PDZRN4: variants seen among roughly 807,000 people sequenced by gnomAD.
The protein encoded by PDZRN4 is PDZ domain containing ring finger 4.
A neutral mutation model predicts 99.0 loss-of-function variants in PDZRN4; 70 were observed. The observed-to-expected ratio is 0.71, with a 90% CI of 0.58 to 0.86. The LOEUF (loss-of-function observed/expected upper bound fraction) is 0.86, where lower values mean the gene tolerates loss of function less well. Among genes scored for constraint, PDZRN4 ranks in the 40% least tolerant of loss-of-function variants. PDZRN4 has a pLI of 0.00. For missense variants in PDZRN4, 1,474 were observed against 1,331.2 expected, an observed-to-expected ratio of 1.11 and a Z score of -1.67; for synonymous variants, 551 against 501.6, an observed-to-expected ratio of 1.10 and a Z score of -1.32.
chr12:41,282,273 G>C (rs1951391289), intron 3 of PDZRN4, among the ~76,000 whole-genome samples: 2 of 152,176 alleles, frequency 1.3e-5, no homozygotes, highest in Non-Finnish European at 2.9e-5. Flanking sequence ...AAAAGACAAA[G>C]AAGAGCATTA....
intron 3 of PDZRN4, among the ~76,000 whole-genome samples, chr12:41,324,911 TA>T (rs2120980336): frequency 6.6e-6 from 1 of 152,288 alleles, no homozygotes; most frequent in South Asian, 2.1e-4. Flanking sequence ...TGCTACTTTT[TA>T]AAAAGGTAGA....
At chr12:41,195,197 A>G (rs1950763221) in intron 3 of PDZRN4, among the ~76,000 whole-genome samples, 1 of 152,188 alleles carries the variant, frequency 6.6e-6, no homozygotes, top group Non-Finnish European at 1.5e-5. Flanking sequence ...TGGTTAAGAT[A>G]ATATTACTTT....
chr12:41,402,258 GTA>G (rs1256041427), intron 3 of PDZRN4, among the ~76,000 whole-genome samples: 1 of 20,664 alleles, frequency 4.8e-5, no homozygotes, highest in Non-Finnish European at 8.4e-5. Flanking sequence ...CACACACTGA[GTA>G]TATATATATA....
chr12:41,559,656 G>T (rs1285751865), intron 7 of PDZRN4, among the ~76,000 whole-genome samples: 3 of 152,038 alleles, frequency 2.0e-5, no homozygotes, highest in Non-Finnish European at 4.4e-5. Context: ...GAAACAACAC[G>T]ACTTCTAATG....
chr12:41,260,926 G>A (rs1227499088), intron 3 of PDZRN4, among the ~76,000 whole-genome samples: 1 of 152,066 alleles, frequency 6.6e-6, no homozygotes, highest in Non-Finnish European at 1.5e-5. Context: ...ACCCCCCGTA[G>A]TCAAGATAGT....
chr12:41,267,712 A>T (rs1348209426), intron 3 of PDZRN4, among the ~76,000 whole-genome samples: 1 of 151,562 alleles, frequency 6.6e-6, no homozygotes, highest in Non-Finnish European at 1.5e-5. Context: ...ATGGTGGCGG[A>T]TGCCTGTAAT....
At chr12:41,311,808 G>A (rs374296169) in intron 3 of PDZRN4, among the ~76,000 whole-genome samples, 18 of 152,072 alleles carry the variant, frequency 1.2e-4, no homozygotes, top group Admixed American at 3.9e-4. Flanking sequence ...GATAGGTATC[G>A]TGTGACTTTT....
At chr12:41,554,658 T>G (rs1021911519) in intron 6 of PDZRN4, among the ~76,000 whole-genome samples, 5 of 152,190 alleles carry the variant, frequency 3.3e-5, no homozygotes, top group Non-Finnish European at 4.4e-5. Context: ...CGCAGTGAAC[T>G]GTAAGTCATC....
At chr12:41,518,261 A>G (rs956218060) in intron 5 of PDZRN4, among the ~76,000 whole-genome samples, 3 of 152,106 alleles carry the variant, frequency 2.0e-5, no homozygotes, top group African/African-American at 7.2e-5. Flanking sequence ...GAATATAAAT[A>G]AAAGAGAACC....
intron 3 of PDZRN4, among the ~76,000 whole-genome samples, chr12:41,334,459 T>G (rs548009737): frequency 6.6e-6 from 1 of 151,420 alleles, no homozygotes; most frequent in East Asian, 2.0e-4. Flanking sequence ...TGGCACTGAT[T>G]AGTTTGCTGA....
intron 3 of PDZRN4, among the ~76,000 whole-genome samples, chr12:41,480,973 G>GTT (rs36114607): frequency 6.1e-5 from 9 of 146,748 alleles, no homozygotes; most frequent in Non-Finnish European, 6.0e-5. Flanking sequence ...AAATTACAGG[G>GTT]TTTTTTTTTT....
chr12:41,554,321 C>T (rs1939107888), intron 6 of PDZRN4, among the ~76,000 whole-genome samples: 5 of 152,116 alleles, frequency 3.3e-5, no homozygotes. Context: ...TCTAGTAAGT[C>T]TCTATTTACT....
At chr12:41,502,210 C>T (rs914043226) in intron 3 of PDZRN4, among the ~76,000 whole-genome samples, 1 of 152,100 alleles carries the variant, frequency 6.6e-6, no homozygotes, top group Non-Finnish European at 1.5e-5. Flanking sequence ...TATCGAATAT[C>T]AATGGCACAA....
At chr12:41,250,232 G>A (rs558411942) in intron 3 of PDZRN4, among the ~76,000 whole-genome samples, 5 of 152,142 alleles carry the variant, frequency 3.3e-5, no homozygotes, top group South Asian at 4.1e-4. Context: ...TAGCAAAAGC[G>A]AACAACTAAT....
rs547684242 is a variant in PDZRN4, at chr12:41,574,010, T to A, written c.*120T>A. The A allele has an allele frequency of 4.8e-6, 3 of 624,918 alleles. No homozygotes were observed. The highest frequency in any genetic ancestry group is 5.7e-5 in the South Asian group (1 of 17,646). The allele number at this position is 624,918 out of a possible 1,614,324, so 38.7% of individuals were successfully genotyped here. On this transcript the variant is annotated 3_prime_UTR_variant, in exon 10 of 10. Coordinates refer to ENST00000402685, the MANE Select transcript of PDZRN4 (RefSeq NM_001164595.2). ...ATTTTGTGACTCTTTATAGTTTAAA[T>A]TTTTTGTAAGCAAAAAATACCTGGT...
intron 3 of PDZRN4, among the ~76,000 whole-genome samples, chr12:41,451,828 C>G (rs1952776553): frequency 6.6e-6 from 1 of 152,048 alleles, no homozygotes. Context: ...GGGGTGCTTT[C>G]CTCATCTTCC....
intron 5 of PDZRN4, among the ~76,000 whole-genome samples, chr12:41,543,062 C>A (rs992693276): frequency 6.6e-6 from 1 of 152,082 alleles, no homozygotes; most frequent in African/African-American, 2.4e-5. Context: ...CTCTAGTGTC[C>A]TCTCTTAATA....
chr12:41,434,334 G>A (rs759482320), intron 3 of PDZRN4, among the ~76,000 whole-genome samples: 1 of 151,700 alleles, frequency 6.6e-6, no homozygotes. Flanking sequence ...TAATTTAAGG[G>A]CCGTGTAATT....
chr12:41,394,462 C>T (rs1952232151), intron 3 of PDZRN4, among the ~76,000 whole-genome samples: 1 of 152,224 alleles, frequency 6.6e-6, no homozygotes, highest in South Asian at 2.1e-4. Flanking sequence ...TCAATTATTG[C>T]ATAACAAATT....
Sources: allele counts gnomAD v4.1 joint callset (sites outside exome capture counted in the v4.1 genomes callset), GRCh38; gene constraint gnomAD v4.1.1; transcripts MANE v1.5; gene names NCBI Gene and HGNC (gene_info 2026-07-23, HGNC 2026-07-21).